DLG2: variants seen among roughly 807,000 people sequenced by gnomAD.
The protein encoded by DLG2 is disks large homolog 2.
DLG2 carries 45 observed loss-of-function variants against 132.5 expected under a neutral mutation model. The observed-to-expected ratio is 0.34, with a 90% confidence interval of 0.27 to 0.44. The LOEUF is 0.44. Among genes scored for constraint, DLG2 ranks in the 20% least tolerant of loss-of-function variants. The pLI, the probability that DLG2 is intolerant of heterozygous loss-of-function variation, is 1.00. For synonymous variants in DLG2, 424 were observed against 419.6 expected, an observed-to-expected ratio of 1.01 and a Z score of -0.13; for missense variants, 1,045 against 1,196.9, an observed-to-expected ratio of 0.87 and a Z score of 1.87.
chr11:84,609,358 TAATAGTC>T (rs1479708745), intron 6 of DLG2, among the ~76,000 whole-genome samples: 1 of 152,166 alleles, frequency 6.6e-6, no homozygotes, highest in Non-Finnish European at 1.5e-5. Flanking sequence ...GAAGTAGTAA[TAATAGTC>T]AATAGTTGTT....
intron 17 of DLG2, among the ~76,000 whole-genome samples, chr11:83,800,745 G>GAAAAT (rs1197050512): frequency 6.6e-6 from 1 of 152,082 alleles, no homozygotes; most frequent in Non-Finnish European, 1.5e-5. Flanking sequence ...ATCTTTAAAT[G>GAAAAT]AAAATAATAA....
intron 4 of DLG2, among the ~76,000 whole-genome samples, chr11:85,169,339 C>T (rs1045143574): frequency 2.6e-5 from 4 of 151,886 alleles, no homozygotes; most frequent in Admixed American, 6.6e-5. Context: ...GGAAATTTTC[C>T]GCTCCCTCTC....
At chr11:84,017,191 A>G (rs955457402) in intron 11 of DLG2, among the ~76,000 whole-genome samples, 1 of 152,118 alleles carries the variant, frequency 6.6e-6, no homozygotes, top group East Asian at 1.9e-4. Context: ...AATTTTAAAA[A>G]GGGGTATTTT....
chr11:83,713,770 C>T (rs2086038469), intron 18 of DLG2, among the ~76,000 whole-genome samples: 1 of 152,150 alleles, frequency 6.6e-6, no homozygotes, highest in Admixed American at 6.5e-5. Context: ...GCAATTGCAC[C>T]ATCTGTAATT....
At chr11:85,085,614 C>T (rs897051142) in intron 6 of DLG2, among the ~76,000 whole-genome samples, 2 of 152,078 alleles carry the variant, frequency 1.3e-5, no homozygotes, top group Admixed American at 1.3e-4. Context: ...AAGAACTAGA[C>T]TAAGACTATC....
chr11:84,640,363 T>C, intron 6 of DLG2: 1 of 341,572 alleles, frequency 2.9e-6, no homozygotes, highest in East Asian at 9.6e-5. Context: ...ATCCTCAGGG[T>C]TTGGATAAGG....
At chr11:84,376,976 G>T (rs1339943843) in intron 7 of DLG2, among the ~76,000 whole-genome samples, 1 of 151,952 alleles carries the variant, frequency 6.6e-6, no homozygotes, top group African/African-American at 2.4e-5. Flanking sequence ...GATTGTAAAA[G>T]ATATTATGTG....
At chr11:84,308,092 T>C (rs554900876) in intron 7 of DLG2, among the ~76,000 whole-genome samples, 1 of 152,294 alleles carries the variant, frequency 6.6e-6, no homozygotes, top group East Asian at 1.9e-4. Flanking sequence ...AGGTTGCCAC[T>C]GCTGGCTCTG....
intron 3 of DLG2, among the ~76,000 whole-genome samples, chr11:85,395,279 C>G (rs2087208005): frequency 6.6e-6 from 1 of 152,122 alleles, no homozygotes; most frequent in Non-Finnish European, 1.5e-5. Flanking sequence ...AGATAAGAAG[C>G]AGTTGCTTCC....
At chr11:84,037,002 T>G (rs567111654) in intron 11 of DLG2, among the ~76,000 whole-genome samples, 1 of 152,268 alleles carries the variant, frequency 6.6e-6, no homozygotes, top group African/African-American at 2.4e-5. Flanking sequence ...TCAATCTTGC[T>G]GGGGCCATCT....
At chr11:85,192,182 T>C (rs1349800258) in intron 4 of DLG2, among the ~76,000 whole-genome samples, 1 of 152,186 alleles carries the variant, frequency 6.6e-6, no homozygotes, top group Non-Finnish European at 1.5e-5. Context: ...ACCATGACCT[T>C]GAGCACATTT....
At chr11:83,848,766 A>T (rs1209939617) in intron 16 of DLG2, among the ~76,000 whole-genome samples, 1 of 152,154 alleles carries the variant, frequency 6.6e-6, no homozygotes, top group Non-Finnish European at 1.5e-5. Context: ...TTCTGGCACT[A>T]TACCTATCAA....
intron 8 of DLG2, among the ~76,000 whole-genome samples, chr11:84,202,925 G>A (rs553245803): frequency 3.9e-5 from 6 of 152,176 alleles, no homozygotes; most frequent in South Asian, 4.1e-4. Context: ...ACCATCTCAC[G>A]CCAGTCAGAA....
intron 19 of DLG2, among the ~76,000 whole-genome samples, chr11:83,579,761 G>C (rs936980083): frequency 2.0e-5 from 3 of 152,026 alleles, no homozygotes; most frequent in East Asian, 1.9e-4. Flanking sequence ...ATGAGGTCAG[G>C]AGATCGAGAC....
chr11:84,372,646 G>A (rs1486032223), intron 7 of DLG2, among the ~76,000 whole-genome samples: 1 of 152,144 alleles, frequency 6.6e-6, no homozygotes, highest in African/African-American at 2.4e-5. Context: ...AGGCTATTCT[G>A]TTTAATAGTG....
At chr11:84,074,689 C>A (rs879632178) in intron 10 of DLG2, among the ~76,000 whole-genome samples, 2 of 151,870 alleles carry the variant, frequency 1.3e-5, no homozygotes, top group East Asian at 3.9e-4. Flanking sequence ...CCACCACGCC[C>A]GGCTAATTTT....
At chr11:85,028,199 C>G (rs928908826) in intron 6 of DLG2, among the ~76,000 whole-genome samples, 1 of 152,158 alleles carries the variant, frequency 6.6e-6, no homozygotes, top group Non-Finnish European at 1.5e-5. Context: ...TTGGGTAGTT[C>G]TTTCCCACAG....
At chr11:84,431,969 C>T (rs1324693737) in intron 7 of DLG2, among the ~76,000 whole-genome samples, 1 of 151,954 alleles carries the variant, frequency 6.6e-6, no homozygotes, top group African/African-American at 2.4e-5. Context: ...AAATATCATA[C>T]GAAAGACAAC....
At chr11:84,084,338 C>T (rs910007804) in intron 10 of DLG2, among the ~76,000 whole-genome samples, 1 of 152,038 alleles carries the variant, frequency 6.6e-6, no homozygotes, top group East Asian at 1.9e-4. Context: ...GGTTTTCCAG[C>T]GTTAGCTTCC....
Sources: gnomAD v4.1 joint callset for allele counts (sites outside exome capture counted in the v4.1 genomes callset) on GRCh38, gnomAD v4.1.1 for gene constraint, MANE v1.5 for transcripts, NCBI Gene and HGNC (gene_info 2026-07-23, HGNC 2026-07-21) for gene names.